Variants in SLC19A1 observed in about 807,000 individuals in gnomAD.
The protein encoded by SLC19A1 is solute carrier family 19 member 1.
In SLC19A1, 37 loss-of-function variants were observed where a neutral mutation model predicts 35.3. That is an observed-to-expected ratio of 1.05 (90% CI 0.81 to 1.38). SLC19A1 has a LOEUF of 1.38. Among genes scored for constraint, SLC19A1 ranks in the 40% most tolerant of loss-of-function variants. SLC19A1 has a pLI of 0.00. For synonymous variants in SLC19A1, 460 were observed against 398.5 expected (o/e 1.15, Z -1.84); for missense variants, 831 against 826.9 (o/e 1.00, Z -0.06).
intron 1 of SLC19A1, among the ~76,000 whole-genome samples, chr21:45,557,436 C>T (rs560322300): frequency 3.9e-5 from 6 of 152,296 alleles, no homozygotes; most frequent in Admixed American, 6.5e-5. Context: ...CCCTGAGCCC[C>T]GGGTCCTGCA....
chr21:45,527,395 GGA>G (rs1354348715), intron 4 of SLC19A1, among the ~76,000 whole-genome samples: 16 of 145,168 alleles, frequency 1.1e-4, no homozygotes, highest in Middle Eastern at 4.0e-3. Context: ...CAGCAGGTTA[GGA>G]CGGGCCCTGG....
downstream of SLC19A1, among the ~76,000 whole-genome samples, chr21:45,510,654 T>C (rs1317988456): frequency 2.0e-5 from 3 of 152,348 alleles, no homozygotes; most frequent in Admixed American, 1.3e-4. Context: ...GTGGCCCCTC[T>C]GCCACAGCAC....
upstream of SLC19A1, among the ~76,000 whole-genome samples, chr21:45,547,181 T>C (rs2078423781): frequency 6.6e-6 from 1 of 152,232 alleles, no homozygotes; most frequent in South Asian, 2.1e-4. Flanking sequence ...GAAAAATGTG[T>C]AAGTTCTCTA....
At chr21:45,553,661 T>TCCCAATCCCCCACGCCCCC (rs2078492254) in intron 1 of SLC19A1, among the ~76,000 whole-genome samples, 1 of 3,070 alleles carries the variant, frequency 3.3e-4, no homozygotes, top group Non-Finnish European at 5.5e-4. Context: ...CCGCGCCCCC[T>TCCCAATCCCCCACGCCCCC]TCCCAGTCCC....
intron 1 of SLC19A1, among the ~76,000 whole-genome samples, chr21:45,559,111 T>C (rs892447010): frequency 6.6e-6 from 1 of 152,126 alleles, no homozygotes; most frequent in African/African-American, 2.4e-5. Flanking sequence ...CTGGCCTAAA[T>C]TGAATTTTCA....
chr21:45,545,372 A>ACC (rs796220127), upstream of SLC19A1, among the ~76,000 whole-genome samples: 17 of 146,122 alleles, frequency 1.2e-4, no homozygotes, highest in African/African-American at 4.3e-4. Flanking sequence ...AGAGTCCGGG[A>ACC]CCCCCCCCTT....
At position 45,533,477 on chromosome 21, in the gene SLC19A1, C is replaced by T. The variant is rs2078004520; in HGVS notation, c.190-1329G>A. On this transcript the variant is annotated intron_variant, in intron 2 of 5. Transcript: ENST00000311124. The surrounding 1 kb of genome is among the most constrained non-coding windows in gnomAD (Gnocchi z 4.5). ...ACCCCTGTGAGGCCAAGCCGCTTGCCTTGCCCCTCCCTGGGGACTGATGTG... is the reference window on the plus strand; with the variant it reads ...ACCCCTGTGAGGCCAAGCCGCTTGCTTTGCCCCTCCCTGGGGACTGATGTG... 1.3e-5 allele frequency among the ~76,000 whole-genome samples: 2 copies of T among 152,140 alleles called. No homozygotes were observed. The highest frequency in any genetic ancestry group is 2.9e-5 in the Non-Finnish European group (2 of 67,994).
At position 45,514,664 on chromosome 21, in the gene SLC19A1, G is replaced by T; in HGVS notation, c.*994C>A. On this transcript the variant is annotated 3_prime_UTR_variant, in exon 6 of 6. Transcript: ENST00000311124. ...TCTCCTGGCCTCCTCACTGACTGCT[G>T]ACCCTCAACCCCCAGGCCAGGCCGG... 1 of 263,752 alleles carries T rather than the reference G, an allele frequency of 3.8e-6. No individual in the cohort carries two copies. Among genetic ancestry groups the T allele is most frequent in the Admixed American group, 5.6e-5 (1 of 17,916 alleles). 16.3% of individuals were successfully genotyped at this position (263,752 alleles called of 1,614,324 possible).
upstream of SLC19A1, chr21:45,542,446 C>G (rs1242734490): frequency 6.6e-6 from 1 of 151,096 alleles, no homozygotes; most frequent in Non-Finnish European, 1.5e-5. Flanking sequence ...ACAGCGCCCA[C>G]AAGGCGGCGC....
chr21:45,534,667 AG>A lies in SLC19A1; in HGVS notation c.190-2520del, dbSNP rs942459262. On this transcript the variant is annotated intron_variant, in intron 2 of 5. Transcript: ENST00000311124. This position sits in a 1 kb window ranked among gnomAD's most constrained non-coding sequence, Gnocchi z 4.2. ...CAGAGCTCCCCCTTGGCAGCCACCCAGAGCCCTCCCGCTCCTCTCCCTGCAC... is the reference window on the plus strand; with the variant it reads ...CAGAGCTCCCCCTTGGCAGCCACCCAAGCCCTCCCGCTCCTCTCCCTGCAC... 7.1e-7 allele frequency: 1 copy of A among 1,413,750 alleles called. No homozygotes were observed. The highest frequency in any genetic ancestry group is 1.4e-5 in the African/African-American group (1 of 70,662). 87.6% of individuals were successfully genotyped at this position (1,413,750 alleles called of 1,614,324 possible). A position where few individuals can be genotyped will look rare whatever the true frequency, so the allele number is the denominator to read the frequency against.
In SLC19A1 at chr21:45,517,085, GC is replaced by G. The variant is rs1437309967; in HGVS notation, c.1294-946del. Among the ~76,000 whole-genome samples the G allele has an allele frequency of 5.9e-5, 9 of 152,252 alleles. No homozygotes were observed. The highest frequency in any genetic ancestry group is 1.9e-4 in the African/African-American group (8 of 41,552). On this transcript the variant is annotated intron_variant, in intron 5 of 5. Coordinates refer to ENST00000311124, the MANE Select transcript of SLC19A1 (RefSeq NM_194255.4). This position sits in a 1 kb window ranked among gnomAD's most constrained non-coding sequence, Gnocchi z 4.4. The stretch of plus-strand genomic sequence containing the variant: ...TGCCACACAAGGGCAGACTGGCCGG[GC>G]CCTCGGGGTCTGGGGAGCTGTGCCA...
chr21:45,552,077 C>T (rs1451616774), intron 1 of SLC19A1, among the ~76,000 whole-genome samples: 2 of 152,152 alleles, frequency 1.3e-5, no homozygotes, highest in East Asian at 1.9e-4. Context: ...GGTGTCTGCC[C>T]GAGTGTCTGA....
chr21:45,509,513 G>A (rs750182809), downstream of SLC19A1: 44 of 1,534,330 alleles, frequency 2.9e-5, no homozygotes, highest in Middle Eastern at 1.8e-4. Context: ...CCCTACCCCG[G>A]AGCCCCGCAC....
rs571676010 is a variant in SLC19A1 at position 45,552,965 on chromosome 21, G to GC, written c.-50+9776dup. ...AGTGCCAGCCCCAGCTCTCCGTGGC[G>GC]CCCCCCATGTGCTCACTTTTACACA... On this transcript the variant is annotated intron_variant, in intron 1 of 5. Coordinates refer to the SLC19A1 transcript ENST00000650808. Among the ~76,000 whole-genome samples, 18 of 151,932 alleles carry GC rather than the reference G, an allele frequency of 1.2e-4. No homozygotes were observed. In the South Asian group the frequency reaches 2.9e-3, roughly 25 times the overall value.
Position 45,505,534 on chromosome 21 carries a change from T to C in SLC19A1, c.498-6922A>G, listed in dbSNP as rs2037147238. 7 of 728,916 alleles carry C rather than the reference T, an allele frequency of 9.6e-6. No individual in the cohort carries two copies. The Admixed American group carries it at 1.1e-4, about 11-fold the overall frequency. 45.2% of individuals were successfully genotyped at this position (728,916 alleles called of 1,614,324 possible). ...CTCTCCCACGGACCCCACAGGGAGA[T>C]ATACAGGAGGCCAAGATGCGGTTTC... On this transcript the variant is annotated intron_variant, in intron 3 of 4. Transcript: ENST00000417954.
At chr21:45,527,488 A>AG in intron 4 of SLC19A1, among the ~76,000 whole-genome samples, 1 of 121,522 alleles carries the variant, frequency 8.2e-6, no homozygotes, top group African/African-American at 3.2e-5. Flanking sequence ...AGTGGCAGTC[A>AG]GTTACTGCGG....
chr21:45,531,705 G>A lies in SLC19A1; in HGVS notation c.633C>T (p.Phe211=), dbSNP rs752257592. The change falls in exon 3 of 6, where the codon TTC becomes TTT. Residue 211 remains phenylalanine (F), a synonymous_variant. Coordinates refer to ENST00000311124, the MANE Select transcript of SLC19A1 (RefSeq NM_194255.4). ...ACCGCCCCCGGTCGTCGCGGTTGAA[G>A]AAGAGGCTGCGCTTGGGGCGCTTCA... ...LFLKRPKRSL[F]FNRDDRGRCE... 5 of 1,612,800 alleles carry A rather than the reference G, an allele frequency of 3.1e-6. No individual in the cohort carries two copies. Among genetic ancestry groups the A allele is most frequent in the South Asian group, 1.1e-5 (1 of 91,062 alleles).
Position 45,504,611 on chromosome 21 carries a change from G to A in SLC19A1, c.498-5999C>T, listed in dbSNP as rs2037073702. The A allele has an allele frequency of 8.0e-6, 12 of 1,500,204 alleles. No individual in the cohort carries two copies. In the East Asian group the frequency reaches 3.0e-4, roughly 37 times the overall value. 92.9% of individuals were successfully genotyped at this position (1,500,204 alleles called of 1,614,324 possible). A position where few individuals can be genotyped will look rare whatever the true frequency, so the allele number is the denominator to read the frequency against. ...ATGTCCCAGGGGTCTGGGTGCAGGA[G>A]CCGAGGGCAGGTCCAGCCCGGCCTT... On this transcript the variant is annotated intron_variant, in intron 3 of 4. Coordinates refer to the SLC19A1 transcript ENST00000417954.
chr21:45,525,453 G>C (rs111987768), intron 5 of SLC19A1, among the ~76,000 whole-genome samples: 215 of 152,372 alleles, frequency 1.4e-3, no homozygotes, highest in African/African-American at 4.9e-3. Flanking sequence ...GCTCTGCTCA[G>C]CTCTCCTTCC....
Sources: allele counts gnomAD v4.1 joint callset (sites outside exome capture counted in the v4.1 genomes callset), GRCh38; gene constraint gnomAD v4.1.1; non-coding constraint Gnocchi (gnomAD v3.1); transcripts MANE v1.5; gene names NCBI Gene and HGNC (gene_info 2026-07-23, HGNC 2026-07-21).